The following SP140L variants were observed in gnomAD, a reference collection of about 807,000 sequenced individuals.
The protein encoded by SP140L is SP140 like nuclear body protein, also known as nuclear body protein SP140-like protein.
Under a neutral mutation model 84.3 loss-of-function variants are expected in SP140L, and 64 were observed. That is an observed-to-expected ratio of 0.76 (90% confidence interval 0.62 to 0.94). The LOEUF is 0.94. SP140L is among the 40% of genes least tolerant of loss of function. The pLI is 0.00. For synonymous variants in SP140L, 242 were observed against 236.9 expected, an observed-to-expected ratio of 1.02 and a Z score of -0.20; for missense variants, 628 against 692.5, an observed-to-expected ratio of 0.91 and a Z score of 1.05.
rs536727957 is a variant in SP140L, at chr2:230,361,797, G to C, written c.523+100G>C. The C allele has an allele frequency of 8.2e-6, 7 of 858,492 alleles. No individual in the cohort carries two copies. The Admixed American group carries it at 9.4e-5, about 11-fold the overall frequency. 53.2% of individuals were successfully genotyped at this position (858,492 alleles called of 1,614,324 possible). On this transcript the variant is annotated intron_variant, in intron 5 of 18. Coordinates refer to ENST00000415673, the MANE Select transcript of SP140L (RefSeq NM_138402.6). ...TCCTGAGGGGAAATTGTGAAACAGG[G>C]AAGACACAGGGAAGGACCATGGAGA...
At chr2:230,352,340 C>T (rs1323222136) in intron 2 of SP140L, among the ~76,000 whole-genome samples, 1 of 152,022 alleles carries the variant, frequency 6.6e-6, no homozygotes, top group Non-Finnish European at 1.5e-5. Flanking sequence ...AGTTCCACAA[C>T]CTTAACAGGA....
chr2:230,350,053 A>G (rs1428159335), intron 2 of SP140L, among the ~76,000 whole-genome samples: 3 of 152,062 alleles, frequency 2.0e-5, no homozygotes, highest in African/African-American at 4.8e-5. Flanking sequence ...GTCTTATTCT[A>G]TTTGTTTATT....
chr2:230,390,575 A>C (rs2061759395), intron 11 of SP140L, among the ~76,000 whole-genome samples: 1 of 152,234 alleles, frequency 6.6e-6, no homozygotes, highest in South Asian at 2.1e-4. Flanking sequence ...TAATTTACAT[A>C]TTAATGTAAA....
At chr2:230,345,448 T>C (rs1166960137) in intron 2 of SP140L, among the ~76,000 whole-genome samples, 1 of 152,218 alleles carries the variant, frequency 6.6e-6, no homozygotes, top group African/African-American at 2.4e-5. Flanking sequence ...GGGGTTTTCA[T>C]AATCCATTCA....
intron 2 of SP140L, among the ~76,000 whole-genome samples, chr2:230,355,434 C>T (rs555059160): frequency 3.3e-5 from 5 of 152,216 alleles, no homozygotes; most frequent in Admixed American, 2.0e-4. Flanking sequence ...GAGAAGCAAA[C>T]GATGCTAACA....
chr2:230,358,649 G>C (rs1404374060), intron 3 of SP140L, among the ~76,000 whole-genome samples: 1 of 152,304 alleles, frequency 6.6e-6, no homozygotes, highest in Admixed American at 6.5e-5. Flanking sequence ...TTGATTGCCT[G>C]CTACATCTAT....
At chr2:230,365,846 CAAT>C (rs1228616424) in intron 5 of SP140L, among the ~76,000 whole-genome samples, 8 of 151,958 alleles carry the variant, frequency 5.3e-5, no homozygotes, top group Non-Finnish European at 7.4e-5. Flanking sequence ...TCATTTGTCT[CAAT>C]ATTTTTTTAA....
Position 230,392,235 on chromosome 2 carries a change from C to G in SP140L, c.1107+6C>G. On this transcript the variant is annotated splice_donor_region_variant and intron_variant, in intron 12 of 18. Coordinates refer to ENST00000415673, the MANE Select transcript of SP140L (RefSeq NM_138402.6). ...CCCTACGACGGCTGATGGAGGTATT[C>G]CAATGACAAGAGGCCAGACCTGTGC... is the stretch of plus-strand genomic sequence containing the variant. 1 of 1,613,686 alleles carries G rather than the reference C, an allele frequency of 6.2e-7. No individual in the cohort carries two copies.
chr2:230,392,085 AG>A lies in SP140L; in HGVS notation c.965del. ...CAGGATCAAGTTACCCTGGTCTTAC[AG>A]GAACCTTGGCAAAGTGTATACAGAC... On this transcript the variant is annotated splice_acceptor_variant, in intron 11 of 18. Coordinates refer to ENST00000415673, the MANE Select transcript of SP140L (RefSeq NM_138402.6). LOFTEE classifies it high-confidence loss of function. 6.2e-7 allele frequency: 1 copy of A among 1,613,836 alleles called. No individual in the cohort carries two copies. Among genetic ancestry groups the A allele is most frequent in the African/African-American group, 1.3e-5 (1 of 75,018 alleles).
At chr2:230,370,299 A>G (rs1343762109) in intron 5 of SP140L, among the ~76,000 whole-genome samples, 3 of 152,134 alleles carry the variant, frequency 2.0e-5, no homozygotes, top group Admixed American at 6.5e-5. Context: ...ATTAGTGTCC[A>G]GCATCACAGC....
At chr2:230,385,493 A>C (rs773283777) in intron 9 of SP140L, among the ~76,000 whole-genome samples, 189 bp downstream of exon 9, 1 of 152,152 alleles carries the variant, frequency 6.6e-6, no homozygotes, top group Non-Finnish European at 1.5e-5. Context: ...CATAGATCTT[A>C]TCTGTCCAAG....
chr2:230,376,236 C>T (rs1017532208), intron 7 of SP140L, among the ~76,000 whole-genome samples: 1 of 152,070 alleles, frequency 6.6e-6, no homozygotes, highest in Non-Finnish European at 1.5e-5. Context: ...GTATTTATCA[C>T]ACTGCTGGAA....
At chr2:230,374,048 G>T (rs2061167868) in intron 7 of SP140L, among the ~76,000 whole-genome samples, 1 of 152,184 alleles carries the variant, frequency 6.6e-6, no homozygotes, top group African/African-American at 2.4e-5. Context: ...GGTTGCAGTG[G>T]TTCCCACCTG....
intron 7 of SP140L, among the ~76,000 whole-genome samples, chr2:230,381,711 TACACACACACACACACACACACAC>T (rs71052506): frequency 2.7e-5 from 4 of 147,054 alleles, no homozygotes; most frequent in Non-Finnish European, 4.5e-5. Context: ...CCTGTCTCTC[TACACACACACACACACACACACAC>T]ACACACACAC....
At chr2:230,357,351 G>A (rs997791760) in intron 2 of SP140L, among the ~76,000 whole-genome samples, 1 of 152,108 alleles carries the variant, frequency 6.6e-6, no homozygotes, top group Non-Finnish European at 1.5e-5. Flanking sequence ...AGCAGCTACA[G>A]ATTAGAGAAG....
rs752612188 is a variant in SP140L, at chr2:230,381,482, A to G, written c.638-2028A>G. On this transcript the variant is annotated intron_variant, in intron 7 of 18. Transcript: ENST00000415673. ...ATTTTTGCTTCTGGCAAATTTCCTC[A>G]TGAAGACACTACCCCATCAGCCACT... Among the ~76,000 whole-genome samples, 5 of 152,198 alleles carry G rather than the reference A, an allele frequency of 3.3e-5. No homozygotes were observed. In the East Asian group the frequency reaches 9.6e-4, roughly 29 times the overall value.
At chr2:230,336,509 C>T (rs2059887216) in intron 2 of SP140L, among the ~76,000 whole-genome samples, 1 of 152,178 alleles carries the variant, frequency 6.6e-6, no homozygotes, top group Non-Finnish European at 1.5e-5. Context: ...ACAAGTTAAG[C>T]TACGCACCAA....
intron 2 of SP140L, among the ~76,000 whole-genome samples, chr2:230,349,387 C>T (rs971981903): frequency 6.6e-6 from 1 of 152,172 alleles, no homozygotes; most frequent in Non-Finnish European, 1.5e-5. Flanking sequence ...ATTAGCTTCT[C>T]AATTTCTTCA....
Position 230,340,063 on chromosome 2 carries a change from G to A in SP140L, c.107+11232G>A, listed in dbSNP as rs933955956. ...GGTATCCTTGTTGACTTTCTGTCTC[G>A]TTGATCTGTCTAATATTGACAGTGG... is the stretch of plus-strand genomic sequence containing the variant. On this transcript the variant is annotated intron_variant, in intron 2 of 18. Transcript: ENST00000415673. 6.7e-3 allele frequency among the ~76,000 whole-genome samples: 969 copies of A among 145,568 alleles called. 21 individuals carry two copies. The highest frequency in any genetic ancestry group is 0.014 in the South Asian group (66 of 4,600).
Sources: gnomAD v4.1 joint callset for allele counts (sites outside exome capture counted in the v4.1 genomes callset) on GRCh38, gnomAD v4.1.1 for gene constraint, MANE v1.5 for transcripts, NCBI Gene and HGNC (gene_info 2026-07-23, HGNC 2026-07-21) for gene names.